TUSC3: variants seen among roughly 807,000 people sequenced by gnomAD.
The protein encoded by TUSC3 is tumor suppressor candidate 3.
TUSC3 carries 45 observed loss-of-function variants against 44.8 expected under a neutral mutation model. The observed-to-expected ratio is 1.00, with a 90% CI of 0.79 to 1.29. The LOEUF is 1.29. TUSC3 is among the 50% of genes most tolerant of loss of function. The probability of loss-of-function intolerance (pLI) is 0.00; values close to 1 mark genes in which losing one functional copy is unlikely to be tolerated. For missense variants in TUSC3, 519 were observed against 437.9 expected (o/e 1.19, Z -1.65); for synonymous variants, 212 against 152.9 (o/e 1.39, Z -2.85).
intron 1 of TUSC3, among the ~76,000 whole-genome samples, chr8:15,586,540 T>C (rs1803609511): frequency 1.3e-5 from 2 of 152,252 alleles, no homozygotes; most frequent in African/African-American, 4.8e-5. Context: ...GAGGGTCGCA[T>C]TACCTCAGGC....
chr8:15,725,603 CTGATGATGA>C lies in TUSC3; in HGVS notation c.799-5047_799-5039del, dbSNP rs56849270. Reference sequence around the variant, plus strand: ...GGAATCTCGTTTGAATCTTAGATGACTGATGATGATGATGATGATGATGACGGTAGATTA... The same window carrying C: ...GGAATCTCGTTTGAATCTTAGATGACTGATGATGATGATGACGGTAGATTA... On this transcript the variant is annotated intron_variant, in intron 6 of 10. Transcript: ENST00000503731. Among the ~76,000 whole-genome samples the C allele has an allele frequency of 2.0e-5, 3 of 151,314 alleles. No individual in the cohort carries two copies. In the East Asian group the frequency reaches 5.9e-4, roughly 30 times the overall value.
chr8:15,776,974 C>T, the TUSC3 span, among the ~76,000 whole-genome samples: 1 of 151,996 alleles, frequency 6.6e-6, no homozygotes, highest in Non-Finnish European at 1.5e-5. Context: ...GCTATCTCTG[C>T]CTTTAAAATA....
intron 1 of TUSC3, among the ~76,000 whole-genome samples, chr8:15,428,970 T>G (rs565174734): frequency 6.6e-6 from 1 of 152,340 alleles, no homozygotes; most frequent in East Asian, 1.9e-4. Flanking sequence ...AGCTCTTTAG[T>G]TTAATTACAT....
chr8:15,630,721 CAGTGATCT>C (rs1805722043), intron 2 of TUSC3, among the ~76,000 whole-genome samples: 1 of 152,134 alleles, frequency 6.6e-6, no homozygotes, highest in African/African-American at 2.4e-5. Context: ...TGTCTTAGGG[CAGTGATCT>C]CTCCGCCAGC....
chr8:15,797,157 T>A, the TUSC3 span, among the ~76,000 whole-genome samples: 1 of 152,148 alleles, frequency 6.6e-6, no homozygotes, highest in African/African-American at 2.4e-5. Context: ...CAAGATGGAG[T>A]TAAGCCTGTG....
intron 1 of TUSC3, among the ~76,000 whole-genome samples, chr8:15,571,180 C>G (rs1376116791): frequency 3.3e-5 from 5 of 151,772 alleles, no homozygotes. Flanking sequence ...TCTCGAACTC[C>G]TGACTTCAGG....
At chr8:15,590,279 C>G (rs1803772512) in intron 1 of TUSC3, among the ~76,000 whole-genome samples, 1 of 152,122 alleles carries the variant, frequency 6.6e-6, no homozygotes, top group African/African-American at 2.4e-5. Flanking sequence ...TGAGGAATTC[C>G]AGAGTATCTC....
chr8:15,586,862 T>C (rs945247035), intron 1 of TUSC3, among the ~76,000 whole-genome samples: 3 of 152,180 alleles, frequency 2.0e-5, no homozygotes, highest in Non-Finnish European at 4.4e-5. Flanking sequence ...TTTGGCGTTA[T>C]TGGGAACTTC....
chr8:15,567,971 C>T (rs1042378299), intron 1 of TUSC3, among the ~76,000 whole-genome samples: 1 of 152,052 alleles, frequency 6.6e-6, no homozygotes, highest in Non-Finnish European at 1.5e-5. Flanking sequence ...TCCTTTTTCT[C>T]CTCTTTGTTT....
At chr8:15,648,475 C>T (rs573856050) in intron 2 of TUSC3, among the ~76,000 whole-genome samples, 304 of 149,732 alleles carry the variant, frequency 2.0e-3, no homozygotes, top group Non-Finnish European at 3.2e-3. Context: ...GCCTGTAATC[C>T]CAGCACTTTG....
intron 2 of TUSC3, among the ~76,000 whole-genome samples, chr8:15,510,097 C>G (rs752656531): frequency 9.2e-5 from 14 of 151,980 alleles, no homozygotes; most frequent in African/African-American, 3.1e-4. Context: ...TGTTTGAGCC[C>G]AAGAGTTCAA....
intron 7 of TUSC3, among the ~76,000 whole-genome samples, chr8:15,732,680 C>T (rs543520255): frequency 6.6e-6 from 1 of 152,220 alleles, no homozygotes; most frequent in East Asian, 1.9e-4. Context: ...AATTGTATAA[C>T]TTATAAGGTA....
chr8:15,654,752 G>T (rs937856649), intron 3 of TUSC3, among the ~76,000 whole-genome samples: 4 of 152,000 alleles, frequency 2.6e-5, no homozygotes, highest in Admixed American at 6.5e-5. Flanking sequence ...AGCCGAGATC[G>T]TGCCATTGCC....
chr8:15,795,632 A>G, the TUSC3 span, among the ~76,000 whole-genome samples: 1 of 152,212 alleles, frequency 6.6e-6, no homozygotes, highest in Non-Finnish European at 1.5e-5. Context: ...GCGTGGCTAC[A>G]CACAAGAAGC....
chr8:15,522,787 C>T lies in TUSC3; in HGVS notation n.189+39304C>T, dbSNP rs547090441. ...GATATCTCCAGGCAAAAGGAAGCTC[C>T]TTTTCTCTAGTGAGGAATTTACCTC... On this transcript the variant is annotated intron_variant and non_coding_transcript_variant, in intron 2 of 5. Coordinates refer to the TUSC3 transcript ENST00000503191. 8.5e-5 allele frequency among the ~76,000 whole-genome samples: 13 copies of T among 152,260 alleles called. No homozygotes were observed. The East Asian group carries it at 1.5e-3, about 18-fold the overall frequency.
chr8:15,611,428 C>A (rs1211963833), intron 1 of TUSC3, among the ~76,000 whole-genome samples: 1 of 152,178 alleles, frequency 6.6e-6, no homozygotes, highest in African/African-American at 2.4e-5. Flanking sequence ...ACCTCGTGAT[C>A]TGCCCGCACC....
chr8:15,756,839 C>T (rs1023404877), intron 9 of TUSC3, among the ~76,000 whole-genome samples: 1 of 152,140 alleles, frequency 6.6e-6, no homozygotes, highest in Admixed American at 6.5e-5. Flanking sequence ...TCCCCAAACT[C>T]GAGCTCTAAA....
At chr8:15,499,005 A>AT (rs1244063873) in intron 2 of TUSC3, among the ~76,000 whole-genome samples, 2 of 151,794 alleles carry the variant, frequency 1.3e-5, no homozygotes, top group Admixed American at 6.6e-5. Context: ...GTAGGTAGTT[A>AT]TTTTTTTCTT....
At chr8:15,731,701 A>C (rs2129208597) in intron 7 of TUSC3, among the ~76,000 whole-genome samples, 1 of 152,284 alleles carries the variant, frequency 6.6e-6, no homozygotes, top group South Asian at 2.1e-4. Flanking sequence ...ATATCATTTC[A>C]CCAATGAATG....
Sources: allele counts gnomAD v4.1 joint callset (sites outside exome capture counted in the v4.1 genomes callset), GRCh38; gene constraint gnomAD v4.1.1; transcripts MANE v1.5; gene names NCBI Gene and HGNC (gene_info 2026-07-23, HGNC 2026-07-21).